The following CNTN5 variants were observed in gnomAD, a reference collection of about 807,000 sequenced individuals.
CNTN5 encodes the protein contactin 5, also known as contactin-5.
Under a neutral mutation model 129.1 loss-of-function variants are expected in CNTN5, and 77 were observed. The observed-to-expected ratio is 0.60, with a 90% CI of 0.50 to 0.72. The LOEUF (loss-of-function observed/expected upper bound fraction) is 0.72. CNTN5 is among the 30% of genes least tolerant of loss of function. The pLI, the probability that CNTN5 is intolerant of heterozygous loss-of-function variation, is 0.00. For synonymous variants in CNTN5, 509 were observed against 465.6 expected, an observed-to-expected ratio of 1.09 and a Z score of -1.20; for missense variants, 1,478 against 1,328.8, an observed-to-expected ratio of 1.11 and a Z score of -1.75.
intron 16 of CNTN5, among the ~76,000 whole-genome samples, chr11:100,227,838 C>A (rs148974906): frequency 3.3e-5 from 5 of 152,092 alleles, no homozygotes; most frequent in African/African-American, 1.2e-4. Flanking sequence ...CTCGATCATG[C>A]TATTAAGGAA....
chr11:99,348,273 A>C (rs1354838598), intron 2 of CNTN5, among the ~76,000 whole-genome samples: 1 of 152,136 alleles, frequency 6.6e-6, no homozygotes, highest in Non-Finnish European at 1.5e-5. Flanking sequence ...CAGGAGGCGG[A>C]GCTTGCAGTG....
chr11:99,327,169 AT>A (rs1865820422), intron 2 of CNTN5, among the ~76,000 whole-genome samples: 2 of 152,162 alleles, frequency 1.3e-5, no homozygotes, highest in Admixed American at 6.6e-5. Flanking sequence ...TGCTTGTGAC[AT>A]TCAAAGAAAG....
chr11:99,416,333 TAC>T (rs560156773), intron 2 of CNTN5, among the ~76,000 whole-genome samples: 2 of 151,992 alleles, frequency 1.3e-5, no homozygotes, highest in Non-Finnish European at 2.9e-5. Flanking sequence ...GCTGACTGAG[TAC>T]AGTGGCTCAA....
intron 1 of CNTN5, among the ~76,000 whole-genome samples, chr11:99,116,854 T>C (rs184601201): frequency 3.9e-5 from 6 of 152,238 alleles, no homozygotes; most frequent in Non-Finnish European, 7.4e-5. Context: ...TAATTGCTCA[T>C]AGGGCATCCA....
chr11:99,232,335 G>C (rs1861046287), intron 1 of CNTN5, among the ~76,000 whole-genome samples: 1 of 152,072 alleles, frequency 6.6e-6, no homozygotes, highest in African/African-American at 2.4e-5. Context: ...TTGAGCAGTG[G>C]TTTGTAGTTC....
chr11:99,751,720 A>C (rs10790945), intron 3 of CNTN5, among the ~76,000 whole-genome samples: 24,605 of 152,150 alleles, frequency 0.16, 2,079 homozygotes, highest in Non-Finnish European at 0.17. Flanking sequence ...TTTTTCTATA[A>C]GCCAAGTTCA....
intron 13 of CNTN5, among the ~76,000 whole-genome samples, chr11:100,084,245 A>G (rs1384044300): frequency 6.6e-6 from 1 of 152,054 alleles, no homozygotes; most frequent in Admixed American, 6.6e-5. Flanking sequence ...CCAGACTACA[A>G]CTTTCAGCTT....
chr11:99,175,108 C>A (rs1040428404), intron 1 of CNTN5, among the ~76,000 whole-genome samples: 1 of 152,044 alleles, frequency 6.6e-6, no homozygotes, highest in Non-Finnish European at 1.5e-5. Flanking sequence ...GTGGCATGCA[C>A]CTGTAGTCCT....
At chr11:100,283,956 A>C (rs1038942366) in intron 18 of CNTN5, among the ~76,000 whole-genome samples, 2 of 152,150 alleles carry the variant, frequency 1.3e-5, no homozygotes, top group African/African-American at 4.8e-5. Context: ...AAAAAAATAA[A>C]AAATTTAAAT....
At chr11:99,989,986 C>CA (rs1161058053) in intron 8 of CNTN5, among the ~76,000 whole-genome samples, 1 of 152,140 alleles carries the variant, frequency 6.6e-6, no homozygotes, top group Non-Finnish European at 1.5e-5. Flanking sequence ...AAGATGGTCT[C>CA]AGTCTCCTGA....
chr11:99,466,377 T>C (rs1944943747), intron 2 of CNTN5, among the ~76,000 whole-genome samples: 1 of 152,134 alleles, frequency 6.6e-6, no homozygotes, highest in Non-Finnish European at 1.5e-5. Flanking sequence ...CCTAAAACCT[T>C]CTGGGATTTT....
At chr11:99,799,601 A>G (rs1946052256) in intron 3 of CNTN5, among the ~76,000 whole-genome samples, 2 of 152,012 alleles carry the variant, frequency 1.3e-5, no homozygotes, top group African/African-American at 4.8e-5. Flanking sequence ...AGTCTACTTG[A>G]TCATGAAGAA....
chr11:99,472,741 C>T (rs185561422), intron 2 of CNTN5, among the ~76,000 whole-genome samples: 9 of 152,016 alleles, frequency 5.9e-5, no homozygotes, highest in Admixed American at 4.6e-4. Flanking sequence ...TGATCTCAGC[C>T]CACTGCAACC....
chr11:99,828,241 T>C (rs958584833), intron 4 of CNTN5, among the ~76,000 whole-genome samples: 11 of 152,228 alleles, frequency 7.2e-5, no homozygotes, highest in African/African-American at 2.7e-4. Context: ...CTTTATATAA[T>C]GGCTACTGCT....
At chr11:99,050,579 A>G (rs1453321015) in intron 1 of CNTN5, among the ~76,000 whole-genome samples, 1 of 151,778 alleles carries the variant, frequency 6.6e-6, no homozygotes, top group African/African-American at 2.4e-5. Context: ...AAAGTAATAT[A>G]CAAGTGTACA....
At chr11:99,342,402 A>T (rs2136058652) in intron 2 of CNTN5, among the ~76,000 whole-genome samples, 1 of 151,678 alleles carries the variant, frequency 6.6e-6, no homozygotes, top group South Asian at 2.1e-4. Context: ...AAAATTATTT[A>T]TTTTTTTATA....
intron 1 of CNTN5, among the ~76,000 whole-genome samples, chr11:99,118,474 G>A (rs1221825438): frequency 6.6e-6 from 1 of 152,004 alleles, no homozygotes; most frequent in Non-Finnish European, 1.5e-5. Flanking sequence ...CACATACTCA[G>A]TGGGTCTTTC....
At position 99,253,448 on chromosome 11, in the gene CNTN5, T is replaced by C. The variant is rs189807676; in HGVS notation, c.-209-71898T>C. On this transcript the variant is annotated intron_variant, in intron 1 of 24. Coordinates refer to ENST00000524871, the MANE Select transcript of CNTN5 (RefSeq NM_014361.4). ...TATAGCCATAATTTCCATATTTTTG[T>C]AATAAATTTGTATACCTTGTTCTTT... Among the ~76,000 whole-genome samples the C allele has an allele frequency of 1.5e-3, 231 of 152,258 alleles. 1 individual carries two copies. The highest frequency in any genetic ancestry group is 2.6e-3 in the Non-Finnish European group (176 of 68,000).
chr11:100,348,673 G>A (rs2139033468), intron 23 of CNTN5, among the ~76,000 whole-genome samples: 1 of 152,016 alleles, frequency 6.6e-6, no homozygotes, highest in African/African-American at 2.4e-5. Flanking sequence ...TGGATGATCA[G>A]AATTCTAATT....
Sources: allele counts gnomAD v4.1 joint callset (sites outside exome capture counted in the v4.1 genomes callset), GRCh38; gene constraint gnomAD v4.1.1; transcripts MANE v1.5; gene names NCBI Gene and HGNC (gene_info 2026-07-23, HGNC 2026-07-21).